The following CNIH3 variants were observed in gnomAD, a reference collection of about 807,000 sequenced individuals.
The protein encoded by CNIH3 is protein cornichon homolog 3.
Under a neutral mutation model 24.1 loss-of-function variants are expected in CNIH3, and 14 were observed. The ratio of observed to expected loss-of-function variants is 0.58; its 90% CI spans 0.38 to 0.91. CNIH3 has a LOEUF of 0.91. Ranked by LOEUF, CNIH3 falls within the 40% of genes least tolerant of loss-of-function variation. The probability of loss-of-function intolerance (pLI) is 0.00; values close to 1 mark genes in which losing one functional copy is unlikely to be tolerated. For missense variants in CNIH3, 178 were observed against 196.8 expected (o/e 0.90, Z 0.57); for synonymous variants, 68 against 73.8 (o/e 0.92, Z 0.40).
At chr1:224,561,524 T>C (rs969545221) in intron 3 of CNIH3, among the ~76,000 whole-genome samples, 1 of 152,210 alleles carries the variant, frequency 6.6e-6, no homozygotes, top group Non-Finnish European at 1.5e-5. Flanking sequence ...CTGTCCCTCA[T>C]TGACATGTTG....
intron 4 of CNIH3, among the ~76,000 whole-genome samples, chr1:224,573,293 T>G (rs924068024): frequency 6.6e-6 from 1 of 152,230 alleles, no homozygotes; most frequent in African/African-American, 2.4e-5. Flanking sequence ...TCCTTTTCTC[T>G]TAGTTACTAC....
At chr1:224,526,339 T>A (rs1288826591) in intron 2 of CNIH3, among the ~76,000 whole-genome samples, 2 of 152,192 alleles carry the variant, frequency 1.3e-5, no homozygotes, top group Non-Finnish European at 2.9e-5. Flanking sequence ...GGCAAACTAA[T>A]GAACCATGAA....
At chr1:224,708,813 T>C (rs945956644) in intron 3 of CNIH3, among the ~76,000 whole-genome samples, 1 of 152,216 alleles carries the variant, frequency 6.6e-6, no homozygotes, top group Non-Finnish European at 1.5e-5. Flanking sequence ...CTTCTGCCCT[T>C]GTTTTCCTCT....
At chr1:224,457,273 CTCTG>C (rs1264935639) in intron 1 of CNIH3, among the ~76,000 whole-genome samples, 994 of 28,032 alleles carry the variant, frequency 0.035, 7 homozygotes, top group African/African-American at 0.11. Context: ...TCCTCTCTCT[CTCTG>C]TGTGTGTGTG....
intron 1 of CNIH3, among the ~76,000 whole-genome samples, chr1:224,647,146 C>G (rs1684645114): frequency 2.0e-5 from 3 of 152,166 alleles, no homozygotes; most frequent in African/African-American, 7.2e-5. Flanking sequence ...CCACACCCAG[C>G]TCACGTCTGT....
intron 1 of CNIH3, among the ~76,000 whole-genome samples, chr1:224,472,673 G>A (rs1179844323): frequency 5.3e-5 from 8 of 152,122 alleles, no homozygotes; most frequent in Non-Finnish European, 1.0e-4. Flanking sequence ...AAGACTACAC[G>A]CTGGGCACAG....
intron 1 of CNIH3, among the ~76,000 whole-genome samples, chr1:224,445,434 G>A (rs1675115878): frequency 6.6e-6 from 1 of 151,808 alleles, no homozygotes; most frequent in Non-Finnish European, 1.5e-5. Context: ...AAATTAGCCG[G>A]GCGTGGTGGC....
downstream of CNIH3, among the ~76,000 whole-genome samples, chr1:224,539,468 T>C (rs1293671740): frequency 1.3e-5 from 2 of 152,246 alleles, no homozygotes. Flanking sequence ...TTCTTCATTG[T>C]TGCATGAGTT....
intron 1 of CNIH3, among the ~76,000 whole-genome samples, chr1:224,476,950 T>C (rs921752099): frequency 6.6e-6 from 1 of 152,178 alleles, no homozygotes; most frequent in Non-Finnish European, 1.5e-5. Flanking sequence ...GCTAGGGAAC[T>C]GGGGGAAAGC....
chr1:224,438,315 C>A (rs541490373), intron 1 of CNIH3, among the ~76,000 whole-genome samples: 1 of 152,054 alleles, frequency 6.6e-6, no homozygotes, highest in African/African-American at 2.4e-5. Context: ...GTCTTGGCCT[C>A]CCAAAGTGTT....
rs149491984 is a variant in CNIH3 at position 224,520,341 on chromosome 1, C to T, written n.16-659C>T. On this transcript the variant is annotated intron_variant and non_coding_transcript_variant, in intron 1 of 2. Transcript: ENST00000470602. ...TCTGTAAAGCTTTCCTAAGCTTTGT[C>T]GATATAAGCGATCCCACACCTCTAC... is the stretch of plus-strand genomic sequence containing the variant. Among the ~76,000 whole-genome samples the T allele has an allele frequency of 3.1e-3, 471 of 152,218 alleles. 2 individuals are homozygous for T. Among genetic ancestry groups the T allele is most frequent in the Middle Eastern group, 0.031 (9 of 294 alleles).
Position 224,616,897 on chromosome 1 carries a change from G to A in CNIH3, c.-278G>A. On this transcript the variant is annotated 5_prime_UTR_variant, in exon 1 of 6. Transcript: ENST00000272133. ...ATTTGCAGGTGTTCGCTGCTGATTT[G>A]GTTTCTTCTTCGATTTGCGGACGGT... is the stretch of plus-strand genomic sequence containing the variant. 1 of 1,294,190 alleles carries A rather than the reference G, an allele frequency of 7.7e-7. No individual in the cohort carries two copies. Among genetic ancestry groups the A allele is most frequent in the Non-Finnish European group, 9.8e-7 (1 of 1,023,120 alleles). The allele number at this position is 1,294,190 out of a possible 1,614,324, so 80.2% of individuals were successfully genotyped here. A position where few individuals can be genotyped will look rare whatever the true frequency, so the allele number is the denominator to read the frequency against.
In CNIH3 at chr1:224,604,683, G is replaced by A. The variant is rs1240058576; in HGVS notation, n.402+38419G>A. ...GACCAGTCCAGCTGGTGAAACTGAT[G>A]TAGGAATTTTCTTCTCGGTCACTTT... On this transcript the variant is annotated intron_variant and non_coding_transcript_variant, in intron 3 of 7. Coordinates refer to the CNIH3 transcript ENST00000478120. The surrounding 1 kb of genome is among the most constrained non-coding windows in gnomAD (Gnocchi z 4.4). Among the ~76,000 whole-genome samples, 6 of 152,218 alleles carry A rather than the reference G, an allele frequency of 3.9e-5. No homozygotes were observed. Among genetic ancestry groups the A allele is most frequent in the Non-Finnish European group, 8.8e-5 (6 of 68,042 alleles).
chr1:224,646,143 G>GACATAAGACAGTA (rs35908674), intron 1 of CNIH3, among the ~76,000 whole-genome samples: 1 of 151,930 alleles, frequency 6.6e-6, no homozygotes, highest in African/African-American at 2.4e-5. Flanking sequence ...TAAGACAGCA[G>GACATAAGACAGTA]AGGTTTTCAG....
At chr1:224,543,231 G>A (rs1406876410) in intron 2 of CNIH3, among the ~76,000 whole-genome samples, 9 of 152,192 alleles carry the variant, frequency 5.9e-5, no homozygotes, top group Non-Finnish European at 1.5e-5. Context: ...GGTGCTGGGA[G>A]GGTGACACGT....
chr1:224,474,048 G>C (rs1676469617), intron 1 of CNIH3, among the ~76,000 whole-genome samples: 1 of 152,166 alleles, frequency 6.6e-6, no homozygotes, highest in African/African-American at 2.4e-5. Context: ...TGAATGACCA[G>C]TGGGTCAATG....
At position 224,545,349 on chromosome 1, in the gene CNIH3, A is replaced by G. The variant is rs541162747; in HGVS notation, n.340-1480A>G. Among the ~76,000 whole-genome samples the G allele has an allele frequency of 3.9e-5, 6 of 152,256 alleles. No homozygotes were observed. In the South Asian group the frequency reaches 1.0e-3, roughly 26 times the overall value. ...TCTCATCTTAATTCAGTCCCTTTCT[A>G]TTATAACGTTCAGAGTCTACAATGA... is the stretch of plus-strand genomic sequence containing the variant. On this transcript the variant is annotated intron_variant and non_coding_transcript_variant, in intron 2 of 5. Coordinates refer to the CNIH3 transcript ENST00000471578.
At chr1:224,589,344 T>C (rs536353211), downstream of CNIH3, among the ~76,000 whole-genome samples, 1 of 152,288 alleles carries the variant, frequency 6.6e-6, no homozygotes, top group South Asian at 2.1e-4. Flanking sequence ...AGCATCATGT[T>C]TATAATAAGT....
At chr1:224,445,054 C>G (rs2102952653) in intron 1 of CNIH3, among the ~76,000 whole-genome samples, 1 of 151,736 alleles carries the variant, frequency 6.6e-6, no homozygotes, top group Non-Finnish European at 1.5e-5. Context: ...ACCCGTGAAA[C>G]CATCACCCAG....
Sources: allele counts gnomAD v4.1 joint callset (sites outside exome capture counted in the v4.1 genomes callset), GRCh38; gene constraint gnomAD v4.1.1; non-coding constraint Gnocchi (gnomAD v3.1); transcripts MANE v1.5; gene names NCBI Gene and HGNC (gene_info 2026-07-23, HGNC 2026-07-21).